Variants in SNTG1 observed in about 807,000 individuals in gnomAD.
SNTG1 encodes gamma-1-syntrophin.
A neutral mutation model predicts 74.7 loss-of-function variants in SNTG1; 39 were observed. The observed-to-expected ratio is 0.52, with a 90% CI of 0.40 to 0.68. SNTG1 has a LOEUF of 0.68. Ranked by LOEUF, SNTG1 falls within the 30% of genes least tolerant of loss-of-function variation. The pLI is 0.00. For missense variants in SNTG1, 685 were observed against 609.5 expected (o/e 1.12, Z -1.30); for synonymous variants, 254 against 217.1 (o/e 1.17, Z -1.49).
intron 2 of SNTG1, among the ~76,000 whole-genome samples, chr8:50,299,825 C>A (rs16914689): frequency 0.069 from 10,529 of 152,048 alleles, 410 homozygotes; most frequent in African/African-American, 0.085. Context: ...ACAGAATAGG[C>A]CTATGGAGTA....
intron 1 of SNTG1, among the ~76,000 whole-genome samples, chr8:49,928,567 T>C (rs1807263095): frequency 6.6e-6 from 1 of 152,022 alleles, no homozygotes; most frequent in South Asian, 2.1e-4. Context: ...ACTACTCTGC[T>C]GGTGTGCAAC....
At chr8:50,092,802 A>G (rs1361787565) in intron 1 of SNTG1, among the ~76,000 whole-genome samples, 1 of 152,134 alleles carries the variant, frequency 6.6e-6, no homozygotes, top group Admixed American at 6.6e-5. Flanking sequence ...ATATTATTCG[A>G]CAGTCTCTGT....
intron 2 of SNTG1, among the ~76,000 whole-genome samples, chr8:50,268,080 C>T (rs1373424051): frequency 6.6e-6 from 1 of 152,086 alleles, no homozygotes; most frequent in Non-Finnish European, 1.5e-5. Context: ...TGACGCAAGA[C>T]CCACATAAAT....
intron 9 of SNTG1, among the ~76,000 whole-genome samples, chr8:50,510,053 G>C (rs1023331637): frequency 6.6e-6 from 1 of 152,142 alleles, no homozygotes; most frequent in South Asian, 2.1e-4. Context: ...CTGTGGGTTT[G>C]TCATAGATAG....
chr8:50,504,142 C>G (rs2093986846), intron 9 of SNTG1, among the ~76,000 whole-genome samples: 1 of 152,100 alleles, frequency 6.6e-6, no homozygotes, highest in Non-Finnish European at 1.5e-5. Context: ...GCCTCCAGCT[C>G]CATCCATCCA....
chr8:50,765,320 G>T (rs915892171), intron 18 of SNTG1, among the ~76,000 whole-genome samples: 6 of 151,982 alleles, frequency 3.9e-5, no homozygotes, highest in Admixed American at 1.3e-4. Context: ...CTCAGGTCAC[G>T]TGGCTAGAAG....
intron 1 of SNTG1, among the ~76,000 whole-genome samples, chr8:50,165,332 T>C (rs904524552): frequency 1.3e-5 from 2 of 152,186 alleles, no homozygotes; most frequent in Non-Finnish European, 2.9e-5. Flanking sequence ...GTGACAGAGA[T>C]GAGGCTTTAG....
intron 2 of SNTG1, among the ~76,000 whole-genome samples, chr8:50,217,070 C>T (rs2084824906): frequency 6.6e-6 from 1 of 151,410 alleles, no homozygotes; most frequent in Non-Finnish European, 1.5e-5. Flanking sequence ...GGCTGACAAA[C>T]AAATGAAACA....
chr8:50,013,584 A>G (rs2130599477), intron 1 of SNTG1, among the ~76,000 whole-genome samples: 1 of 152,096 alleles, frequency 6.6e-6, no homozygotes, highest in South Asian at 2.1e-4. Flanking sequence ...TATCTGGAAA[A>G]GTAGGAAAAA....
chr8:50,434,810 A>G (rs2093283374), intron 4 of SNTG1, among the ~76,000 whole-genome samples: 1 of 152,144 alleles, frequency 6.6e-6, no homozygotes, highest in Admixed American at 6.6e-5. Context: ...AACTATTAAC[A>G]TTCTCTATTT....
chr8:50,045,358 G>T (rs567696368), intron 1 of SNTG1, among the ~76,000 whole-genome samples: 1 of 152,158 alleles, frequency 6.6e-6, no homozygotes, highest in Admixed American at 6.5e-5. Context: ...GGCACATCAC[G>T]TGCTCAGAGT....
chr8:50,357,658 T>C (rs2091855903), intron 2 of SNTG1, among the ~76,000 whole-genome samples: 1 of 152,236 alleles, frequency 6.6e-6, no homozygotes, highest in Non-Finnish European at 1.5e-5. Context: ...TTGATTATCC[T>C]TGTCAGCACA....
chr8:50,091,440 C>T (rs576569295), intron 1 of SNTG1, among the ~76,000 whole-genome samples: 1 of 152,188 alleles, frequency 6.6e-6, no homozygotes, highest in African/African-American at 2.4e-5. Flanking sequence ...AACATCTTCT[C>T]ATGATCTGCA....
intron 1 of SNTG1, among the ~76,000 whole-genome samples, chr8:50,133,276 C>T (rs2081372596): frequency 6.6e-6 from 1 of 152,144 alleles, no homozygotes; most frequent in Non-Finnish European, 1.5e-5. Context: ...CAATAATATG[C>T]TTGTCATTTC....
intron 2 of SNTG1, among the ~76,000 whole-genome samples, chr8:50,191,376 T>C (rs2083569282): frequency 6.6e-6 from 1 of 152,146 alleles, no homozygotes; most frequent in African/African-American, 2.4e-5. Flanking sequence ...TTTTGAAATA[T>C]TGGGTTATCA....
At chr8:49,939,539 A>G (rs56409472) in intron 1 of SNTG1, among the ~76,000 whole-genome samples, 5,664 of 152,254 alleles carry the variant, frequency 0.037, 261 homozygotes, top group South Asian at 0.13. Flanking sequence ...GGGCTCAAAC[A>G]ATCTTTTCCA....
chr8:50,471,433 T>C (rs2093653799), intron 8 of SNTG1, among the ~76,000 whole-genome samples: 1 of 152,150 alleles, frequency 6.6e-6, no homozygotes, highest in Non-Finnish European at 1.5e-5. Context: ...ACAACCTTAT[T>C]AGAATGGCTA....
chr8:50,313,605 C>T (rs769357301), intron 2 of SNTG1, among the ~76,000 whole-genome samples: 2 of 149,742 alleles, frequency 1.3e-5, no homozygotes, highest in Non-Finnish European at 2.9e-5. Flanking sequence ...CCAAAATGAG[C>T]TATACCTCAC....
intron 1 of SNTG1, among the ~76,000 whole-genome samples, chr8:50,010,165 C>T (rs1214756712): frequency 6.6e-6 from 1 of 152,098 alleles, no homozygotes; most frequent in Non-Finnish European, 1.5e-5. Context: ...TAGTAGTCTC[C>T]TCTAATACTA....
Sources: gnomAD v4.1 joint callset for allele counts (sites outside exome capture counted in the v4.1 genomes callset) on GRCh38, gnomAD v4.1.1 for gene constraint, MANE v1.5 for transcripts, NCBI Gene and HGNC (gene_info 2026-07-23, HGNC 2026-07-21) for gene names.